The following APLF variants were observed in gnomAD, a reference collection of about 807,000 sequenced individuals.
APLF encodes the protein aprataxin and PNKP like factor.
A neutral mutation model predicts 55.6 loss-of-function variants in APLF; 61 were observed. That is an observed-to-expected ratio of 1.10 (90% confidence interval 0.89 to 1.36). The LOEUF (loss-of-function observed/expected upper bound fraction) is 1.36, where lower values mean the gene tolerates loss of function less well. APLF is among the 40% of genes most tolerant of loss of function. The pLI is 0.00. For synonymous variants in APLF, 207 were observed against 214.8 expected, an observed-to-expected ratio of 0.96 and a Z score of 0.32; for missense variants, 611 against 602.5, an observed-to-expected ratio of 1.01 and a Z score of -0.15.
Position 68,526,751 on chromosome 2 carries a change from G to A in APLF, c.804+509G>A, listed in dbSNP as rs376375584. Among the ~76,000 whole-genome samples, 47 of 152,160 alleles carry A rather than the reference G, an allele frequency of 3.1e-4. 1 individual carries two copies. Among genetic ancestry groups the A allele is most frequent in the African/African-American group, 1.1e-3 (44 of 41,482 alleles). On this transcript the variant is annotated intron_variant, in intron 6 of 9. Coordinates refer to ENST00000303795, the MANE Select transcript of APLF (RefSeq NM_173545.3). The stretch of plus-strand genomic sequence containing the variant: ...TCACCAGGCTGGAGCGCAGTGGTGC[G>A]ATCTCGGCTCACTGCAACCTCCACC...
At chr2:68,544,244 G>A (rs1037633097) in intron 7 of APLF, among the ~76,000 whole-genome samples, 1 of 152,028 alleles carries the variant, frequency 6.6e-6, no homozygotes, top group Admixed American at 6.5e-5. Context: ...CTCCCAAAGT[G>A]CTAGGATTAC....
At chr2:68,499,317 G>C (rs1202643045) in intron 2 of APLF, among the ~76,000 whole-genome samples, 1 of 152,108 alleles carries the variant, frequency 6.6e-6, no homozygotes, top group Non-Finnish European at 1.5e-5. Context: ...GGTTGGGTTT[G>C]CCAATATTTT....
chr2:68,485,901 C>G (rs770446966), intron 1 of APLF, among the ~76,000 whole-genome samples: 1 of 151,094 alleles, frequency 6.6e-6, no homozygotes, highest in African/African-American at 2.4e-5. Context: ...CCTTGACCTC[C>G]TGGGCTCAAG....
chr2:68,498,356 A>G (rs1213573856), intron 2 of APLF, among the ~76,000 whole-genome samples: 1 of 152,210 alleles, frequency 6.6e-6, no homozygotes, highest in Non-Finnish European at 1.5e-5. Context: ...CATGCCCCAA[A>G]TTATATTTAA....
intron 9 of APLF, among the ~76,000 whole-genome samples, chr2:68,569,643 T>A (rs34197282): frequency 0.11 from 16,416 of 152,068 alleles, 1,127 homozygotes; most frequent in African/African-American, 0.19. Context: ...AGCTGGTGAA[T>A]ACAGTTTGAA....
At chr2:68,472,409 A>G (rs775566238) in intron 1 of APLF, among the ~76,000 whole-genome samples, 36 of 152,230 alleles carry the variant, frequency 2.4e-4, no homozygotes, top group Non-Finnish European at 5.1e-4. Flanking sequence ...CAGACTGGAA[A>G]GTAAGTCACG....
Position 68,467,836 on chromosome 2 carries a change from G to C in APLF, c.96+9G>C, listed in dbSNP as rs1675477282. On this transcript the variant is annotated intron_variant, in intron 1 of 9. Transcript: ENST00000303795. The stretch of plus-strand genomic sequence containing the variant: ...GCGGGCCGCTGCTGGGAGTAAGTGT[G>C]GGCGGGGGCTTAGCGGACCCCGAGA... 2 of 1,232,298 alleles carry C rather than the reference G, an allele frequency of 1.6e-6. No individual in the cohort carries two copies. 76.3% of individuals were successfully genotyped at this position (1,232,298 alleles called of 1,614,324 possible). A position where few individuals can be genotyped will look rare whatever the true frequency, so the allele number is the denominator to read the frequency against.
rs1022922714 is a variant in APLF, at chr2:68,516,925, A to G, written c.622+3245A>G. Among the ~76,000 whole-genome samples the G allele has an allele frequency of 7.1e-5, 9 of 127,120 alleles. No homozygotes were observed. In the Admixed American group the frequency reaches 8.7e-4, roughly 12 times the overall value. The allele number at this position is 127,120 out of a possible 152,430, so 83.4% of individuals were successfully genotyped here. On this transcript the variant is annotated intron_variant, in intron 5 of 9. Transcript: ENST00000303795. Reference sequence around the variant, plus strand: ...TATTATATATCCTATATAACATTATATATAATATATAATATAATATATATA... The same window carrying G: ...TATTATATATCCTATATAACATTATGTATAATATATAATATAATATATATA...
intron 8 of APLF, among the ~76,000 whole-genome samples, chr2:68,561,032 A>T (rs980506397): frequency 6.6e-6 from 1 of 152,144 alleles, no homozygotes; most frequent in East Asian, 1.9e-4. Flanking sequence ...AATATTCAGC[A>T]GGAATTTTAT....
chr2:68,521,826 T>C (rs1669906541), intron 5 of APLF, among the ~76,000 whole-genome samples: 2 of 152,006 alleles, frequency 1.3e-5, no homozygotes, highest in South Asian at 4.1e-4. Context: ...GTACTGTGAA[T>C]ATTTTCACCA....
intron 6 of APLF, among the ~76,000 whole-genome samples, chr2:68,531,786 A>G (rs1200044279): frequency 6.6e-6 from 1 of 152,234 alleles, no homozygotes; most frequent in East Asian, 1.9e-4. Flanking sequence ...ATCCCAACCC[A>G]TAAGGTTTGA....
At chr2:68,577,736 C>T in intron 9 of APLF, 84 bp from the exon 10 acceptor site, 1 of 1,505,484 alleles carries the variant, frequency 6.6e-7, no homozygotes, top group East Asian at 2.3e-5. Flanking sequence ...CCTCTGGATG[C>T]AGAAAGACAT....
chr2:68,484,966 G>A (rs1676082094), intron 1 of APLF, among the ~76,000 whole-genome samples: 1 of 150,882 alleles, frequency 6.6e-6, no homozygotes, highest in African/African-American at 2.4e-5. Flanking sequence ...TAATATGCCT[G>A]TGTGTGTGTG....
chr2:68,574,705 C>A (rs1367832112), intron 9 of APLF, among the ~76,000 whole-genome samples: 3 of 152,120 alleles, frequency 2.0e-5, no homozygotes, highest in African/African-American at 7.2e-5. Context: ...CAAAATTCTT[C>A]CGATTAATGT....
In APLF at chr2:68,578,505, T is replaced by C; in HGVS notation, c.*483T>C. 2 of 987,318 alleles carry C rather than the reference T, an allele frequency of 2.0e-6. No homozygotes were observed. The highest frequency in any genetic ancestry group is 2.4e-6 in the Non-Finnish European group (2 of 831,334). 61.2% of individuals were successfully genotyped at this position (987,318 alleles called of 1,614,324 possible). On this transcript the variant is annotated 3_prime_UTR_variant, in exon 10 of 10. Transcript: ENST00000303795. Reference sequence around the variant, plus strand: ...TTACATAATGGCGTTTTTTTTCTAGTACCTTAGATGTGAGCTTTGCAATTT... The same window carrying C: ...TTACATAATGGCGTTTTTTTTCTAGCACCTTAGATGTGAGCTTTGCAATTT...
chr2:68,500,775 G>A (rs1279757733), intron 2 of APLF, among the ~76,000 whole-genome samples: 3 of 152,110 alleles, frequency 2.0e-5, no homozygotes, highest in Non-Finnish European at 4.4e-5. Context: ...TCAAGGAAAG[G>A]GAGCCTTCGC....
chr2:68,568,524 C>T (rs1227065291), intron 9 of APLF, among the ~76,000 whole-genome samples: 1 of 152,118 alleles, frequency 6.6e-6, no homozygotes, highest in East Asian at 1.9e-4. Flanking sequence ...GGTCATATCT[C>T]ATGGTGTGGC....
chr2:68,480,606 T>A (rs1309267761), intron 1 of APLF, among the ~76,000 whole-genome samples: 4 of 152,064 alleles, frequency 2.6e-5, no homozygotes. Context: ...CCGGCTGTTT[T>A]TTTTTTCTTA....
In APLF at chr2:68,509,197, T is replaced by A. The variant is rs558671511; in HGVS notation, c.342-3883T>A. Among the ~76,000 whole-genome samples the A allele has an allele frequency of 3.3e-5, 5 of 151,932 alleles. No homozygotes were observed. The East Asian group carries it at 7.8e-4, about 24-fold the overall frequency. ...ATGTCTAAAACACCAAAAGCAATGG[T>A]AACAAAAGCCAAAATTGACAAATGG... On this transcript the variant is annotated intron_variant, in intron 3 of 9. Transcript: ENST00000303795.
Sources: allele counts gnomAD v4.1 joint callset (sites outside exome capture counted in the v4.1 genomes callset), GRCh38; gene constraint gnomAD v4.1.1; transcripts MANE v1.5; gene names NCBI Gene and HGNC (gene_info 2026-07-23, HGNC 2026-07-21).